Variants in XK observed in about 807,000 individuals in gnomAD.
XK encodes the protein endoplasmic reticulum membrane adapter protein XK.
Under a neutral mutation model 14.0 loss-of-function variants are expected in XK, and 2 were observed. That is an observed-to-expected ratio of 0.14 (90% CI 0.06 to 0.45). XK has a LOEUF of 0.45. Ranked by LOEUF, XK falls within the 20% of genes least tolerant of loss-of-function variation. The probability of loss-of-function intolerance (pLI) is 0.98; values close to 1 mark genes in which losing one functional copy is unlikely to be tolerated. For synonymous variants in XK, 149 were observed against 147.5 expected (o/e 1.01, Z -0.08); for missense variants, 235 against 341.5 (o/e 0.69, Z 2.46).
chrX:37,705,988 A>T (rs1386138802), intron 2 of XK, among the ~76,000 whole-genome samples: 9 of 104,065 alleles, frequency 8.6e-5, no homozygotes, highest in African/African-American at 2.8e-4. Flanking sequence ...TTTTGATTTT[A>T]TTTTTTTCCA....
chrX:37,704,173 C>A (rs782481498), intron 2 of XK, among the ~76,000 whole-genome samples: 5 of 111,514 alleles, frequency 4.5e-5, no homozygotes, highest in Non-Finnish European at 9.4e-5. Flanking sequence ...TCCTTCTTTG[C>A]TGAAGACAAA....
At chrX:37,707,970 A>G (rs1040892034) in intron 2 of XK, among the ~76,000 whole-genome samples, 10 of 112,900 alleles carry the variant, frequency 8.9e-5, no homozygotes, top group Non-Finnish European at 1.9e-4. Flanking sequence ...TCGGGAGGCC[A>G]AGGCTGGCGG....
In XK at chrX:37,731,864, G is replaced by A. The variant is rs1312407739; in HGVS notation, c.*3402G>A. On this transcript the variant is annotated 3_prime_UTR_variant, in exon 3 of 3. Coordinates refer to ENST00000378616, the MANE Select transcript of XK (RefSeq NM_021083.4). ...AATTGTGCTTTACAACTTGAATGCT[G>A]ATTCAAGGCATTATTTGGATGTGAG... is the stretch of plus-strand genomic sequence containing the variant. The A allele has an allele frequency of 8.9e-6, 1 of 112,233 alleles. No individual in the cohort carries two copies. Among genetic ancestry groups the A allele is most frequent in the Admixed American group, 9.4e-5 (1 of 10,609 alleles). 9.2% of individuals were successfully genotyped at this position (112,233 alleles called of 1,213,427 possible).
At chrX:37,723,480 G>T (rs1008562249) in intron 2 of XK, among the ~76,000 whole-genome samples, 1 of 111,308 alleles carries the variant, frequency 9.0e-6, no homozygotes, top group African/African-American at 3.3e-5. Context: ...TAAAGCCAAT[G>T]ATTTCAAAAT....
At chrX:37,697,452 T>A (rs1313185376) in intron 2 of XK, among the ~76,000 whole-genome samples, 1 of 111,855 alleles carries the variant, frequency 8.9e-6, no homozygotes, top group African/African-American at 3.3e-5. Context: ...GCAGTCCAGA[T>A]GAATAGAAAT....
rs148289342 is a variant in XK at position 37,722,274 on chromosome X, T to A, written c.509-5362T>A. 1.6e-3 allele frequency among the ~76,000 whole-genome samples: 183 copies of A among 111,745 alleles called. 1 individual carries two copies. Among genetic ancestry groups the A allele is most frequent in the African/African-American group, 5.6e-3 (172 of 30,927 alleles). On this transcript the variant is annotated intron_variant, in intron 2 of 2. Coordinates refer to ENST00000378616, the MANE Select transcript of XK (RefSeq NM_021083.4). ...GCATCTATCACGTCTTCAACAATTA[T>A]GTGTTTTTACCAATGAAGGATTTTT... is the stretch of plus-strand genomic sequence containing the variant.
rs1250120965 is a variant in XK at position 37,728,851 on chromosome X, C to A, written c.*389C>A. 6 of 162,301 alleles carry A rather than the reference C, an allele frequency of 3.7e-5. No individual in the cohort carries two copies. In the East Asian group the frequency reaches 6.0e-4, roughly 16 times the overall value. The allele number at this position is 162,301 out of a possible 1,213,427, so 13.4% of individuals were successfully genotyped here. On this transcript the variant is annotated 3_prime_UTR_variant, in exon 3 of 3. Coordinates refer to ENST00000378616, the MANE Select transcript of XK (RefSeq NM_021083.4). ...TTTGGGTAACCTGAAGTTTTATGAT[C>A]CCTGAACATAGTTTTCACCCAAGAG... is the stretch of plus-strand genomic sequence containing the variant.
chrX:37,688,580 G>C lies in XK; in HGVS notation c.245+2374G>C, dbSNP rs1376545067. ...ATGAGGCCTCAGACTATGTTCTCAA[G>C]CCTCCTTAAAAAGAGCTAATTATAT... is the stretch of plus-strand genomic sequence containing the variant. On this transcript the variant is annotated intron_variant, in intron 1 of 2. Transcript: ENST00000378616. Among the ~76,000 whole-genome samples the C allele has an allele frequency of 2.7e-5, 3 of 111,752 alleles. No homozygotes were observed. The East Asian group carries it at 8.4e-4, about 31-fold the overall frequency.
chrX:37,704,478 A>C (rs782653862), intron 2 of XK, among the ~76,000 whole-genome samples: 1 of 111,477 alleles, frequency 9.0e-6, no homozygotes, highest in Non-Finnish European at 1.9e-5. Context: ...TCTGAGCTGC[A>C]GTGAGCTACG....
chrX:37,690,080 T>C (rs1349657675), intron 1 of XK, among the ~76,000 whole-genome samples: 1 of 112,210 alleles, frequency 8.9e-6, no homozygotes, highest in Admixed American at 9.5e-5. Context: ...TGCAAAATGA[T>C]TCACCATAGT....
At position 37,731,849 on chromosome X, in the gene XK, T is replaced by A. The variant is rs782392171; in HGVS notation, c.*3387T>A. 1 of 112,583 alleles carries A rather than the reference T, an allele frequency of 8.9e-6. No homozygotes were observed. The highest frequency in any genetic ancestry group is 2.8e-4 in the East Asian group (1 of 3,605). 9.3% of individuals were successfully genotyped at this position (112,583 alleles called of 1,213,427 possible). The stretch of plus-strand genomic sequence containing the variant: ...GCAACATCTTTTGATAATTGTGCTT[T>A]ACAACTTGAATGCTGATTCAAGGCA... On this transcript the variant is annotated 3_prime_UTR_variant, in exon 3 of 3. Transcript: ENST00000378616.
chrX:37,693,487 G>GTGTGTGTGTGTGTGTA (rs1430145005), intron 1 of XK, among the ~76,000 whole-genome samples: 1 of 109,352 alleles, frequency 9.1e-6, no homozygotes, highest in Non-Finnish European at 1.9e-5. Flanking sequence ...GTGTGTGTGT[G>GTGTGTGTGTGTGTGTA]TGTGTGTGTG....
intron 2 of XK, among the ~76,000 whole-genome samples, chrX:37,706,624 AT>A (rs1927531380): frequency 1.8e-5 from 2 of 109,409 alleles, no homozygotes; most frequent in Admixed American, 1.9e-4. Flanking sequence ...AAATTAATTA[AT>A]TAATTAATTT....
Position 37,728,648 on chromosome X carries a change from G to T in XK, c.*186G>T, listed in dbSNP as rs1225813602. On this transcript the variant is annotated 3_prime_UTR_variant, in exon 3 of 3. Transcript: ENST00000378616. ...ATGGGAAGAAGCCAGGAAAACCTCT[G>T]AGTGTTGAAGGGGCAACCCAAGGCA... 2 of 486,182 alleles carry T rather than the reference G, an allele frequency of 4.1e-6. No individual in the cohort carries two copies. Among genetic ancestry groups the T allele is most frequent in the Non-Finnish European group, 6.9e-6 (2 of 288,659 alleles). The allele number at this position is 486,182 out of a possible 1,213,427, so 40.1% of individuals were successfully genotyped here.
chrX:37,691,539 G>A (rs1175088215), intron 1 of XK, among the ~76,000 whole-genome samples: 1 of 111,779 alleles, frequency 8.9e-6, no homozygotes, highest in African/African-American at 3.2e-5. Flanking sequence ...TCTCAAATGC[G>A]TATATTCTCA....
At position 37,730,330 on chromosome X, in the gene XK, G is replaced by A. The variant is rs1928062087; in HGVS notation, c.*1868G>A. ...ATGCACTCTTCATGTAATCACATAT[G>A]TGCATAGATACACAATCGTATTACA... On this transcript the variant is annotated 3_prime_UTR_variant, in exon 3 of 3. Transcript: ENST00000378616. 8.9e-6 allele frequency: 1 copy of A among 112,113 alleles called. No individual in the cohort carries two copies. The highest frequency in any genetic ancestry group is 3.2e-5 in the African/African-American group (1 of 30,863). The allele number at this position is 112,113 out of a possible 1,213,427, so 9.2% of individuals were successfully genotyped here.
At chrX:37,718,865 C>A (rs1056377437) in intron 2 of XK, among the ~76,000 whole-genome samples, 1 of 111,211 alleles carries the variant, frequency 9.0e-6, no homozygotes, top group African/African-American at 3.3e-5. Flanking sequence ...TGTGTATGTG[C>A]ATGCATACAC....
At position 37,685,952 on chromosome X, in the gene XK, A is replaced by T. The variant is rs1317039876; in HGVS notation, c.-10A>T. The T allele has an allele frequency of 5.8e-6, 7 of 1,202,684 alleles. No individual in the cohort carries two copies. The African/African-American group carries it at 1.2e-4, about 21-fold the overall frequency. On this transcript the variant is annotated 5_prime_UTR_variant, in exon 1 of 3. Coordinates refer to ENST00000378616, the MANE Select transcript of XK (RefSeq NM_021083.4). ...CGTCCGTCCCCGGTGAGCGCCGCTGACGCGCGGAGATGAAATTCCCGGCCT... is the reference window on the plus strand; with the variant it reads ...CGTCCGTCCCCGGTGAGCGCCGCTGTCGCGCGGAGATGAAATTCCCGGCCT...
At chrX:37,697,566 G>A (rs1445939231) in intron 2 of XK, among the ~76,000 whole-genome samples, 4 of 112,295 alleles carry the variant, frequency 3.6e-5, no homozygotes, top group African/African-American at 6.5e-5. Context: ...TGCTCATTGA[G>A]CAAACATTGA....
Sources: gnomAD v4.1 joint callset for allele counts (sites outside exome capture counted in the v4.1 genomes callset) on GRCh38, gnomAD v4.1.1 for gene constraint, MANE v1.5 for transcripts, NCBI Gene and HGNC (gene_info 2026-07-23, HGNC 2026-07-21) for gene names.